Variants in DGKI observed in about 807,000 individuals in gnomAD.
DGKI encodes the protein diacylglycerol kinase iota.
DGKI carries 55 observed loss-of-function variants against 147.5 expected under a neutral mutation model. The observed-to-expected ratio is 0.37, with a 90% CI of 0.30 to 0.47. The LOEUF (loss-of-function observed/expected upper bound fraction) is 0.47. Ranked by LOEUF, DGKI falls within the 20% of genes least tolerant of loss-of-function variation. The pLI is 1.00. For synonymous variants in DGKI, 469 were observed against 477.1 expected (o/e 0.98, Z 0.22); for missense variants, 1,007 against 1,323.8 (o/e 0.76, Z 3.71).
intron 21 of DGKI, among the ~76,000 whole-genome samples, chr7:137,495,096 A>G (rs954842343): frequency 2.0e-5 from 3 of 152,074 alleles, no homozygotes; most frequent in African/African-American, 7.2e-5. Flanking sequence ...GATCCAAATA[A>G]ACACAATCAG....
chr7:137,565,972 T>G (rs550720488), intron 19 of DGKI, among the ~76,000 whole-genome samples: 1 of 152,180 alleles, frequency 6.6e-6, no homozygotes, highest in South Asian at 2.1e-4. Flanking sequence ...AGTAATTCTA[T>G]TTCAAAGCTC....
chr7:137,794,776 G>A (rs1286281603), intron 1 of DGKI, among the ~76,000 whole-genome samples: 1 of 152,194 alleles, frequency 6.6e-6, no homozygotes, highest in African/African-American at 2.4e-5. Context: ...GGTTTTATCA[G>A]CAGCAAATAC....
intron 1 of DGKI, among the ~76,000 whole-genome samples, chr7:137,764,231 G>C (rs1795942224): frequency 6.7e-6 from 1 of 150,232 alleles, no homozygotes; most frequent in Admixed American, 6.6e-5. Flanking sequence ...CTGGGAAGCT[G>C]TGTTTTTAAA....
chr7:137,610,467 A>G (rs538176834), intron 8 of DGKI, among the ~76,000 whole-genome samples: 4 of 152,234 alleles, frequency 2.6e-5, no homozygotes, highest in South Asian at 4.1e-4. Context: ...AACCTGTCAT[A>G]GGGATCAGTC....
chr7:137,711,890 C>T (rs1411657426), intron 1 of DGKI, among the ~76,000 whole-genome samples: 7 of 151,562 alleles, frequency 4.6e-5, no homozygotes, highest in Non-Finnish European at 7.4e-5. Context: ...GACGGGGTTT[C>T]ACCACGTTGG....
At chr7:137,490,848 A>G (rs1023331553) in intron 21 of DGKI, among the ~76,000 whole-genome samples, 12 of 152,222 alleles carry the variant, frequency 7.9e-5, no homozygotes, top group East Asian at 3.8e-4. Flanking sequence ...TTAATACTCA[A>G]CCTTCACAAT....
intron 21 of DGKI, among the ~76,000 whole-genome samples, chr7:137,509,016 G>A (rs1816476960): frequency 6.6e-6 from 1 of 152,052 alleles, no homozygotes; most frequent in Non-Finnish European, 1.5e-5. Flanking sequence ...GGGGAGTAGA[G>A]AAAAGAAACA....
chr7:137,445,783 C>G (rs1171175989), intron 27 of DGKI, among the ~76,000 whole-genome samples: 2 of 152,124 alleles, frequency 1.3e-5, no homozygotes, highest in Non-Finnish European at 2.9e-5. Context: ...GTGCCTGAAG[C>G]TCCAATTGGT....
chr7:137,462,747 C>T (rs1236975648), intron 27 of DGKI, among the ~76,000 whole-genome samples: 2 of 152,154 alleles, frequency 1.3e-5, no homozygotes, highest in Non-Finnish European at 2.9e-5. Context: ...CATGAACACA[C>T]TGGATTTGCA....
chr7:137,458,458 G>C (rs182493150), intron 27 of DGKI, among the ~76,000 whole-genome samples: 1 of 152,216 alleles, frequency 6.6e-6, no homozygotes. Context: ...TGGGGACATT[G>C]AGAAAAAGTA....
intron 28 of DGKI, among the ~76,000 whole-genome samples, chr7:137,435,368 G>C (rs1252125777): frequency 1.3e-5 from 2 of 152,160 alleles, no homozygotes; most frequent in African/African-American, 2.4e-5. Flanking sequence ...CGTCTATAGA[G>C]GTGGTTCCAA....
At chr7:137,708,162 G>A (rs1030708179) in intron 1 of DGKI, among the ~76,000 whole-genome samples, 13 of 152,194 alleles carry the variant, frequency 8.5e-5, no homozygotes, top group East Asian at 1.9e-4. Context: ...TAGCCAGGTC[G>A]CCAAGCCTGG....
chr7:137,589,610 A>G (rs944699310), intron 12 of DGKI, among the ~76,000 whole-genome samples: 1 of 152,218 alleles, frequency 6.6e-6, no homozygotes, highest in Non-Finnish European at 1.5e-5. Flanking sequence ...CACAGATTAA[A>G]CACAGTAAAA....
chr7:137,777,131 G>T (rs1396503933), intron 1 of DGKI, among the ~76,000 whole-genome samples: 4 of 152,156 alleles, frequency 2.6e-5, no homozygotes, highest in African/African-American at 9.7e-5. Flanking sequence ...GTTTGAGGCT[G>T]CAGTGAATTA....
chr7:137,632,662 T>G (rs548431133), intron 6 of DGKI, among the ~76,000 whole-genome samples: 38 of 151,582 alleles, frequency 2.5e-4, no homozygotes, highest in Admixed American at 3.3e-4. Flanking sequence ...ATCGAGACCA[T>G]CCTGGCCAAC....
At chr7:137,568,395 C>A (rs965854749) in intron 19 of DGKI, among the ~76,000 whole-genome samples, 5 of 152,208 alleles carry the variant, frequency 3.3e-5, no homozygotes, top group Non-Finnish European at 7.3e-5. Context: ...GGACTGGCCA[C>A]CCACAGTGGA....
At chr7:137,460,867 G>C (rs995000455) in intron 27 of DGKI, among the ~76,000 whole-genome samples, 8 of 152,086 alleles carry the variant, frequency 5.3e-5, no homozygotes, top group African/African-American at 1.7e-4. Flanking sequence ...AAGGTGGTTG[G>C]TACATGATGG....
At chr7:137,420,291 A>G (rs1812515841) in intron 28 of DGKI, among the ~76,000 whole-genome samples, 2 of 152,206 alleles carry the variant, frequency 1.3e-5, no homozygotes, top group East Asian at 1.9e-4. Context: ...TTGCGCATAT[A>G]CAAGGAGAGA....
chr7:137,552,753 A>C lies in DGKI; in HGVS notation c.1948-185T>G, dbSNP rs1646374. Among the ~76,000 whole-genome samples the C allele has an allele frequency of 3.5e-4, 42 of 121,128 alleles. No homozygotes were observed. The highest frequency in any genetic ancestry group is 1.2e-3 in the African/African-American group (23 of 19,608). 79.5% of individuals were successfully genotyped at this position (121,128 alleles called of 152,430 possible). The stretch of plus-strand genomic sequence containing the variant: ...GCGAGACCCGGTCTCTACTAAAAAT[A>C]CAAAAAAAAAAAAAAGCTGGGCATG... On this transcript the variant is annotated intron_variant, in intron 19 of 32. Coordinates refer to ENST00000614521, the MANE Select transcript of DGKI (RefSeq NM_001321708.2).
Sources: gnomAD v4.1 joint callset for allele counts (sites outside exome capture counted in the v4.1 genomes callset) on GRCh38, gnomAD v4.1.1 for gene constraint, MANE v1.5 for transcripts, NCBI Gene and HGNC (gene_info 2026-07-23, HGNC 2026-07-21) for gene names.